The following IKZF3 variants were observed in gnomAD, a reference collection of about 807,000 sequenced individuals.
The protein encoded by IKZF3 is zinc finger protein Aiolos.
Under a neutral mutation model 49.0 loss-of-function variants are expected in IKZF3, and 10 were observed. That is an observed-to-expected ratio of 0.20 (90% CI 0.13 to 0.35). The LOEUF is 0.35. Among genes scored for constraint, IKZF3 ranks in the 10% least tolerant of loss-of-function variants. The pLI, the probability that IKZF3 is intolerant of heterozygous loss-of-function variation, is 1.00. For synonymous variants in IKZF3, 209 were observed against 228.2 expected (o/e 0.92, Z 0.76); for missense variants, 498 against 664.8 (o/e 0.75, Z 2.76).
At chr17:39,845,286 C>G (rs2062597860) in intron 1 of IKZF3, among the ~76,000 whole-genome samples, 1 of 152,042 alleles carries the variant, frequency 6.6e-6, no homozygotes, top group African/African-American at 2.4e-5. Flanking sequence ...CTTCGGAAGG[C>G]TGAGGCAGGT....
intron 6 of IKZF3, among the ~76,000 whole-genome samples, chr17:39,780,319 C>T (rs2060709288): frequency 1.3e-5 from 2 of 150,708 alleles, no homozygotes; most frequent in Non-Finnish European, 2.9e-5. Context: ...GTATGTTAGT[C>T]ATTACACAAT....
In IKZF3 at chr17:39,788,298, G is replaced by A; in HGVS notation, c.669C>T (p.Arg223=). Residue 223 remains arginine, a synonymous_variant, in exon 6 of 8, where the codon CGC becomes CGT. Coordinates refer to ENST00000346872, the MANE Select transcript of IKZF3 (RefSeq NM_012481.5). ...QRSSLEEHKE[R]CRTFLQSTDP... ...CAGTGCTCTGAAGAAATGTACGGCA[G>A]CGCTCCTTGTGCTCCTCAAGGGAAC... The A allele has an allele frequency of 6.2e-7, 1 of 1,613,858 alleles. No individual in the cohort carries two copies. Among genetic ancestry groups the A allele is most frequent in the South Asian group, 1.1e-5 (1 of 91,074 alleles).
chr17:39,832,002 T>C (rs954406765), intron 2 of IKZF3, 96 bp downstream of exon 2: 16 of 869,948 alleles, frequency 1.8e-5, no homozygotes, highest in South Asian at 9.2e-5. Context: ...CACATTTCCA[T>C]AGCATTTTTA....
chr17:39,800,598 T>C (rs1376115451), intron 3 of IKZF3, among the ~76,000 whole-genome samples: 2 of 152,140 alleles, frequency 1.3e-5, no homozygotes, highest in African/African-American at 2.4e-5. Context: ...TAGGGTACAA[T>C]TGCTCCCATC....
At chr17:39,797,486 G>A (rs1432944831) in intron 3 of IKZF3, among the ~76,000 whole-genome samples, 5 of 149,636 alleles carry the variant, frequency 3.3e-5, no homozygotes, top group East Asian at 2.0e-4. Flanking sequence ...ACAGTGGTGC[G>A]ATCTCGGCTC....
chr17:39,788,217 G>T, intron 6 of IKZF3, 41 bp downstream of exon 6: 1 of 1,207,208 alleles, frequency 8.3e-7, no homozygotes, highest in Non-Finnish European at 1.2e-6. Context: ...TCACCACCTA[G>T]GACAGCAGAT....
At chr17:39,803,535 CA>C (rs1292973788) in intron 3 of IKZF3, among the ~76,000 whole-genome samples, 2 of 142,528 alleles carry the variant, frequency 1.4e-5, no homozygotes, top group Non-Finnish European at 3.0e-5. Context: ...TTTTTTGAGA[CA>C]GAGTTTCGCT....
At chr17:39,816,193 TTA>T (rs540408119) in intron 3 of IKZF3, among the ~76,000 whole-genome samples, 45 of 152,348 alleles carry the variant, frequency 3.0e-4, no homozygotes, top group South Asian at 1.0e-3. Context: ...ATGGTTTTAT[TTA>T]TGTCTAATTA....
intron 3 of IKZF3, among the ~76,000 whole-genome samples, chr17:39,807,382 A>G (rs1236719165): frequency 1.3e-5 from 2 of 151,264 alleles, no homozygotes; most frequent in Non-Finnish European, 2.9e-5. Flanking sequence ...AAAATGTACT[A>G]TATAAATACA....
intron 2 of IKZF3, 121 bp downstream of exon 2, chr17:39,831,976 TA>T (rs1323781404): frequency 1.6e-4 from 107 of 666,230 alleles, no homozygotes; most frequent in Middle Eastern, 5.2e-4. Context: ...CAACCATATT[TA>T]AAAAAAAACA....
intron 1 of IKZF3, chr17:39,835,019 C>A: frequency 2.4e-6 from 1 of 411,838 alleles, no homozygotes; most frequent in South Asian, 1.9e-5. Flanking sequence ...TGGTCTTGAT[C>A]TTCTTCACAA....
chr17:39,798,107 C>T (rs923417862), intron 3 of IKZF3, among the ~76,000 whole-genome samples: 3 of 152,126 alleles, frequency 2.0e-5, no homozygotes, highest in African/African-American at 2.4e-5. Context: ...TTTCTCCACT[C>T]CTGTATTTTG....
intron 1 of IKZF3, among the ~76,000 whole-genome samples, chr17:39,863,357 T>C (rs1353587979): frequency 6.6e-6 from 1 of 152,172 alleles, no homozygotes; most frequent in East Asian, 1.9e-4. Flanking sequence ...ACATTTTAGT[T>C]AGGTGTCAAT....
chr17:39,778,303 C>A, intron 6 of IKZF3: 3 of 466,490 alleles, frequency 6.4e-6, no homozygotes, highest in Non-Finnish European at 8.4e-6. Flanking sequence ...CTTTCTTTTT[C>A]TTTTTCTTTT....
intron 6 of IKZF3, among the ~76,000 whole-genome samples, chr17:39,781,970 T>C (rs1363214474): frequency 6.6e-6 from 1 of 152,156 alleles, no homozygotes; most frequent in Non-Finnish European, 1.5e-5. Context: ...TTGAAAGAAA[T>C]CCTCTGAAAC....
At chr17:39,830,661 A>G (rs2062084456) in intron 2 of IKZF3, among the ~76,000 whole-genome samples, 1 of 152,246 alleles carries the variant, frequency 6.6e-6, no homozygotes, top group African/African-American at 2.4e-5. Flanking sequence ...GAAGAAATGA[A>G]CTGAAAAGTT....
intron 1 of IKZF3, among the ~76,000 whole-genome samples, chr17:39,838,814 T>G (rs941974043): frequency 1.3e-5 from 2 of 152,228 alleles, no homozygotes; most frequent in African/African-American, 4.8e-5. Flanking sequence ...TATGTTCCTC[T>G]GAAGCATGTA....
intron 3 of IKZF3, among the ~76,000 whole-genome samples, chr17:39,819,496 T>C (rs2061753723): frequency 6.6e-6 from 1 of 152,070 alleles, no homozygotes. Context: ...GACCACATCC[T>C]GTGCCAGGCA....
intron 3 of IKZF3, among the ~76,000 whole-genome samples, chr17:39,808,612 G>A (rs532834951): frequency 1.4e-4 from 21 of 152,276 alleles, no homozygotes; most frequent in African/African-American, 4.6e-4. Flanking sequence ...CACTATCTCT[G>A]GACTGCAAAG....
Sources: allele counts gnomAD v4.1 joint callset (sites outside exome capture counted in the v4.1 genomes callset), GRCh38; gene constraint gnomAD v4.1.1; transcripts MANE v1.5; gene names NCBI Gene and HGNC (gene_info 2026-07-23, HGNC 2026-07-21).